Variants in PCDH15 observed in about 807,000 individuals in gnomAD.
The protein encoded by PCDH15 is protocadherin-15.
PCDH15 carries 129 observed loss-of-function variants against 178.5 expected under a neutral mutation model. That is an observed-to-expected ratio of 0.72 (90% CI 0.63 to 0.84). The LOEUF is 0.84. PCDH15 is among the 40% of genes least tolerant of loss of function. The pLI is 0.00. For missense variants in PCDH15, 2,230 were observed against 2,099.9 expected (o/e 1.06, Z -1.21); for synonymous variants, 800 against 732.0 (o/e 1.09, Z -1.50).
At chr10:53,917,262 G>T (rs1319402845) in intron 25 of PCDH15, among the ~76,000 whole-genome samples, 1 of 152,026 alleles carries the variant, frequency 6.6e-6, no homozygotes, top group African/African-American at 2.4e-5. Context: ...CTATTCCACT[G>T]ATAATACAAG....
At chr10:55,060,424 G>A (rs1841401738) in intron 2 of PCDH15, among the ~76,000 whole-genome samples, 1 of 151,992 alleles carries the variant, frequency 6.6e-6, no homozygotes, top group African/African-American at 2.4e-5. Flanking sequence ...CAATGCCTTA[G>A]TTTCCACATC....
chr10:54,602,549 A>G (rs2092585424), intron 2 of PCDH15, among the ~76,000 whole-genome samples: 1 of 151,998 alleles, frequency 6.6e-6, no homozygotes, highest in African/African-American at 2.4e-5. Flanking sequence ...ACAGGATTTT[A>G]GAGGAGAGGC....
chr10:54,389,784 CA>C (rs35298368), intron 3 of PCDH15, among the ~76,000 whole-genome samples: 3,122 of 69,988 alleles, frequency 0.045, 70 homozygotes, highest in South Asian at 0.11. Context: ...AATAAAAATA[CA>C]AAAAAAAAAA....
intron 2 of PCDH15, among the ~76,000 whole-genome samples, chr10:55,143,248 G>A (rs1171841029): frequency 3.3e-5 from 5 of 151,684 alleles, no homozygotes; most frequent in Non-Finnish European, 7.4e-5. Flanking sequence ...GTCCTTTATA[G>A]CTGTGTGAAA....
At chr10:54,179,901 A>C (rs2047821845) in intron 13 of PCDH15, among the ~76,000 whole-genome samples, 1 of 152,214 alleles carries the variant, frequency 6.6e-6, no homozygotes, top group South Asian at 2.1e-4. Flanking sequence ...ACTAGTATTT[A>C]AATTGACATC....
At chr10:55,047,027 G>C (rs1041211263) in intron 2 of PCDH15, among the ~76,000 whole-genome samples, 1 of 151,492 alleles carries the variant, frequency 6.6e-6, no homozygotes, top group Non-Finnish European at 1.5e-5. Flanking sequence ...TTTTAATCTC[G>C]ATTACATTCT....
At chr10:54,217,979 A>T (rs2052297153) in intron 9 of PCDH15, among the ~76,000 whole-genome samples, 3 of 152,228 alleles carry the variant, frequency 2.0e-5, no homozygotes, top group Non-Finnish European at 4.4e-5. Context: ...GGATCATATC[A>T]GTAATGATTT....
intron 7 of PCDH15, among the ~76,000 whole-genome samples, chr10:54,322,888 G>T (rs10733926): frequency 0.71 from 107,248 of 151,934 alleles, 38,606 homozygotes; most frequent in Middle Eastern, 0.81. Context: ...AAAGAGCTTC[G>T]GCACACTAAA....
intron 1 of PCDH15, among the ~76,000 whole-genome samples, chr10:55,262,816 C>T (rs1361396323): frequency 6.6e-6 from 1 of 152,128 alleles, no homozygotes; most frequent in East Asian, 1.9e-4. Context: ...GCTCTCTGAC[C>T]TTGCAATAAG....
chr10:54,643,583 C>T (rs146604401), intron 2 of PCDH15, among the ~76,000 whole-genome samples: 3 of 152,148 alleles, frequency 2.0e-5, no homozygotes, highest in East Asian at 3.9e-4. Context: ...CTGTTGCTCT[C>T]ATATGACCTT....
At chr10:54,755,457 A>G (rs1946943492) in intron 1 of PCDH15, among the ~76,000 whole-genome samples, 1 of 152,198 alleles carries the variant, frequency 6.6e-6, no homozygotes, top group Non-Finnish European at 1.5e-5. Flanking sequence ...TAAAATGCTT[A>G]AGGGTGCAGC....
At chr10:55,448,931 T>G (rs1460312826) in intron 2 of PCDH15, among the ~76,000 whole-genome samples, 2 of 152,042 alleles carry the variant, frequency 1.3e-5, no homozygotes, top group Admixed American at 1.3e-4. Context: ...AACAGAATTT[T>G]CAATTCTTTT....
intron 2 of PCDH15, among the ~76,000 whole-genome samples, chr10:54,616,528 A>G (rs1022601782): frequency 2.0e-5 from 3 of 152,120 alleles, no homozygotes; most frequent in Non-Finnish European, 2.9e-5. Flanking sequence ...GCTTGTTAAA[A>G]TGCAGATTCC....
At chr10:55,330,201 T>C (rs951719319) in intron 2 of PCDH15, among the ~76,000 whole-genome samples, 3 of 151,870 alleles carry the variant, frequency 2.0e-5, no homozygotes, top group African/African-American at 7.2e-5. Flanking sequence ...TCTAGATATT[T>C]GAGGCTTTTA....
At chr10:54,779,903 C>A (rs967010846) in intron 1 of PCDH15, among the ~76,000 whole-genome samples, 13 of 151,982 alleles carry the variant, frequency 8.6e-5, no homozygotes, top group Admixed American at 5.3e-4. Flanking sequence ...AGAAAAGATC[C>A]TTTTATGATT....
intron 1 of PCDH15, among the ~76,000 whole-genome samples, chr10:55,297,530 A>G (rs1245890428): frequency 6.6e-6 from 1 of 152,142 alleles, no homozygotes; most frequent in Non-Finnish European, 1.5e-5. Context: ...GTAAAATTAT[A>G]AATTTTTAGA....
At chr10:55,607,943 AAGAG>A (rs937167543) in intron 2 of PCDH15, among the ~76,000 whole-genome samples, 26 of 151,630 alleles carry the variant, frequency 1.7e-4, no homozygotes, top group South Asian at 2.1e-4. Context: ...GAGAGAGAGA[AAGAG>A]AGAGAGAATA....
chr10:55,120,862 T>C (rs1837748944), intron 2 of PCDH15, among the ~76,000 whole-genome samples: 1 of 152,160 alleles, frequency 6.6e-6, no homozygotes, highest in South Asian at 2.1e-4. Context: ...TGTAGGTGCA[T>C]AGAGTACAAA....
intron 1 of PCDH15, among the ~76,000 whole-genome samples, chr10:54,688,332 A>T (rs2095052749): frequency 6.6e-6 from 1 of 152,068 alleles, no homozygotes; most frequent in Non-Finnish European, 1.5e-5. Flanking sequence ...GACTTGGGCT[A>T]ATCATACTAA....
Sources: gnomAD v4.1 joint callset for allele counts (sites outside exome capture counted in the v4.1 genomes callset) on GRCh38, gnomAD v4.1.1 for gene constraint, MANE v1.5 for transcripts, NCBI Gene and HGNC (gene_info 2026-07-23, HGNC 2026-07-21) for gene names.